Variants in FHIT observed in about 807,000 individuals in gnomAD.
FHIT encodes fragile histidine triad diadenosine triphosphatase.
Under a neutral mutation model 17.9 loss-of-function variants are expected in FHIT, and 19 were observed. The observed-to-expected ratio is 1.06, with a 90% CI of 0.74 to 1.56. FHIT has a LOEUF of 1.56. Ranked by LOEUF, FHIT falls within the 40% of genes most tolerant of loss-of-function variation. The pLI is 0.00. For synonymous variants in FHIT, 81 were observed against 69.7 expected, an observed-to-expected ratio of 1.16 and a Z score of -0.81; for missense variants, 248 against 189.2, an observed-to-expected ratio of 1.31 and a Z score of -1.82.
chr3:60,623,473 C>G (rs926491225), intron 4 of FHIT, among the ~76,000 whole-genome samples: 6 of 152,176 alleles, frequency 3.9e-5, no homozygotes, highest in African/African-American at 1.4e-4. Flanking sequence ...ATCATTTTAG[C>G]TGTAAAACAT....
intron 7 of FHIT, among the ~76,000 whole-genome samples, chr3:60,000,136 C>G (rs904771625): frequency 6.6e-6 from 1 of 152,192 alleles, no homozygotes; most frequent in Non-Finnish European, 1.5e-5. Context: ...AGCCCATCCA[C>G]AACTAATGCA....
intron 3 of FHIT, among the ~76,000 whole-genome samples, chr3:60,927,428 T>C (rs891536624): frequency 1.3e-5 from 2 of 151,870 alleles, no homozygotes; most frequent in African/African-American, 4.8e-5. Flanking sequence ...GTGAGGAGCA[T>C]CTCTGCCCAG....
At chr3:59,866,477 G>A (rs1278531289) in intron 8 of FHIT, among the ~76,000 whole-genome samples, 2 of 152,136 alleles carry the variant, frequency 1.3e-5, no homozygotes, top group East Asian at 1.9e-4. Context: ...TGACAACGGG[G>A]GCATGACAAA....
At chr3:59,889,636 T>C (rs1703768910) in intron 8 of FHIT, among the ~76,000 whole-genome samples, 1 of 152,222 alleles carries the variant, frequency 6.6e-6, no homozygotes, top group Non-Finnish European at 1.5e-5. Flanking sequence ...TACAACGTGG[T>C]TGGAATGCTT....
chr3:60,435,784 T>C (rs373196022), intron 5 of FHIT, among the ~76,000 whole-genome samples: 70 of 152,252 alleles, frequency 4.6e-4, no homozygotes, highest in Middle Eastern at 3.4e-3. Context: ...TTAGTTACTT[T>C]TCCTGATCGT....
At position 60,244,760 on chromosome 3, in the gene FHIT, A is replaced by C. The variant is rs185415122; in HGVS notation, c.104-230608T>G. ...ATCTTGAATGGGACTTTTATTTAAA[A>C]TTCTAGATGTTTCACATTTATATTT... On this transcript the variant is annotated intron_variant, in intron 5 of 9. Transcript: ENST00000492590. Among the ~76,000 whole-genome samples, 90 of 152,256 alleles carry C rather than the reference A, an allele frequency of 5.9e-4. 1 individual carries two copies. The highest frequency in any genetic ancestry group is 3.4e-3 in the Middle Eastern group (1 of 294).
intron 3 of FHIT, among the ~76,000 whole-genome samples, chr3:60,927,561 A>G (rs1559837693): frequency 6.7e-6 from 1 of 149,780 alleles, no homozygotes; most frequent in Non-Finnish European, 1.5e-5. Context: ...CTGGCCGCCC[A>G]TCATCTGGGA....
At chr3:59,825,818 G>A (rs954026328) in intron 8 of FHIT, among the ~76,000 whole-genome samples, 1 of 152,156 alleles carries the variant, frequency 6.6e-6, no homozygotes, top group Non-Finnish European at 1.5e-5. Context: ...TTGAAGGACA[G>A]GCCATCTGAA....
intron 1 of FHIT, among the ~76,000 whole-genome samples, chr3:61,227,192 G>T (rs753144648): frequency 3.3e-5 from 5 of 152,076 alleles, no homozygotes; most frequent in South Asian, 2.1e-4. Flanking sequence ...TAAGACAAAG[G>T]CCTCAGGACA....
At chr3:59,904,803 G>T (rs888124802) in intron 8 of FHIT, among the ~76,000 whole-genome samples, 17 of 152,196 alleles carry the variant, frequency 1.1e-4, no homozygotes, top group Admixed American at 8.5e-4. Context: ...CTGAAGGTGA[G>T]AAAGTTCCCC....
chr3:59,973,658 G>C (rs1339291578), intron 7 of FHIT, among the ~76,000 whole-genome samples: 1 of 152,060 alleles, frequency 6.6e-6, no homozygotes, highest in Non-Finnish European at 1.5e-5. Context: ...TAACCTCCCT[G>C]ATGGCAAGAA....
intron 5 of FHIT, among the ~76,000 whole-genome samples, chr3:60,238,979 TA>T (rs963007767): frequency 2.0e-5 from 3 of 152,260 alleles, no homozygotes; most frequent in East Asian, 1.9e-4. Context: ...GTTCCATAGA[TA>T]ATTGAAGAAA....
intron 2 of FHIT, among the ~76,000 whole-genome samples, chr3:61,074,456 T>C (rs2034907659): frequency 6.6e-6 from 1 of 152,204 alleles, no homozygotes; most frequent in Non-Finnish European, 1.5e-5. Context: ...ATTTGGACCA[T>C]ACAGTAATGG....
intron 5 of FHIT, among the ~76,000 whole-genome samples, chr3:60,132,964 A>G (rs578262591): frequency 6.6e-6 from 1 of 152,208 alleles, no homozygotes; most frequent in Non-Finnish European, 1.5e-5. Flanking sequence ...ATACTGAAAT[A>G]GCATCTAAAA....
chr3:60,557,386 G>A (rs1192178435), intron 4 of FHIT, among the ~76,000 whole-genome samples: 1 of 151,864 alleles, frequency 6.6e-6, no homozygotes, highest in East Asian at 1.9e-4. Context: ...GGTGAGCGGA[G>A]GAGGTGACAG....
At chr3:60,068,498 G>C (rs1559601650) in intron 5 of FHIT, among the ~76,000 whole-genome samples, 1 of 152,190 alleles carries the variant, frequency 6.6e-6, no homozygotes, top group Middle Eastern at 3.2e-3. Flanking sequence ...TGTGCACTGT[G>C]CAAGTTCAGT....
At position 60,290,750 on chromosome 3, in the gene FHIT, T is replaced by A. The variant is rs568185165; in HGVS notation, c.103+246110A>T. Among the ~76,000 whole-genome samples the A allele has an allele frequency of 1.4e-4, 22 of 152,236 alleles. No individual in the cohort carries two copies. The South Asian group carries it at 4.4e-3, about 30-fold the overall frequency. On this transcript the variant is annotated intron_variant, in intron 5 of 9. Coordinates refer to ENST00000492590, the MANE Select transcript of FHIT (RefSeq NM_002012.4). ...AAATACTGAATTGGGTTTTGCCTGT[T>A]TGGAAGTTGGAACTCATTTCCCTAG...
chr3:61,029,215 T>C (rs917561292), intron 3 of FHIT, among the ~76,000 whole-genome samples: 2 of 152,210 alleles, frequency 1.3e-5, no homozygotes, highest in African/African-American at 2.4e-5. Flanking sequence ...ACCTTAATTG[T>C]TGTTAAATAC....
intron 5 of FHIT, among the ~76,000 whole-genome samples, chr3:60,355,602 A>G (rs536933781): frequency 6.6e-6 from 1 of 152,350 alleles, no homozygotes; most frequent in Non-Finnish European, 1.5e-5. Context: ...TTTGAAGTCA[A>G]AGTGAAATAG....
Sources: gnomAD v4.1 joint callset for allele counts (sites outside exome capture counted in the v4.1 genomes callset) on GRCh38, gnomAD v4.1.1 for gene constraint, MANE v1.5 for transcripts, NCBI Gene and HGNC (gene_info 2026-07-23, HGNC 2026-07-21) for gene names.